BBS9: variants seen among roughly 807,000 people sequenced by gnomAD.
The protein encoded by BBS9 is protein PTHB1.
Under a neutral mutation model 117.7 loss-of-function variants are expected in BBS9, and 89 were observed. That is an observed-to-expected ratio of 0.76 (90% CI 0.64 to 0.90). BBS9 has a LOEUF of 0.90. Ranked by LOEUF, BBS9 falls within the 40% of genes least tolerant of loss-of-function variation. The probability of loss-of-function intolerance (pLI) is 0.00; values close to 1 mark genes in which losing one functional copy is unlikely to be tolerated. For missense variants in BBS9, 982 were observed against 1,042.2 expected, an observed-to-expected ratio of 0.94 and a Z score of 0.80; for synonymous variants, 379 against 370.9, an observed-to-expected ratio of 1.02 and a Z score of -0.25.
At chr7:33,527,672 G>A (rs910028782) in intron 20 of BBS9, among the ~76,000 whole-genome samples, 1 of 152,194 alleles carries the variant, frequency 6.6e-6, no homozygotes, top group African/African-American at 2.4e-5. Context: ...AGATGAACCA[G>A]GTACCTCAGA....
chr7:33,537,773 A>G (rs1362874167), intron 21 of BBS9, among the ~76,000 whole-genome samples: 1 of 152,170 alleles, frequency 6.6e-6, no homozygotes. Flanking sequence ...CTCAGTATCT[A>G]GGGCAATATT....
rs13238390 is a variant in BBS9 at position 33,168,944 on chromosome 7, A to G, written c.329-8534A>G. Among the ~76,000 whole-genome samples, 300 of 151,966 alleles carry G rather than the reference A, an allele frequency of 2.0e-3. 1 individual carries two copies. Among genetic ancestry groups the G allele is most frequent in the African/African-American group, 6.3e-3 (260 of 41,442 alleles). Reference sequence around the variant, plus strand: ...CATCTAGCATTAGGTATATCTCCCAATGCTATCCCTCCCCGCTCCCCCCAC... The same window carrying G: ...CATCTAGCATTAGGTATATCTCCCAGTGCTATCCCTCCCCGCTCCCCCCAC... On this transcript the variant is annotated intron_variant, in intron 4 of 22. Coordinates refer to ENST00000242067, the MANE Select transcript of BBS9 (RefSeq NM_198428.3).
chr7:33,451,983 A>G (rs1837942971), intron 19 of BBS9, among the ~76,000 whole-genome samples: 1 of 152,128 alleles, frequency 6.6e-6, no homozygotes, highest in African/African-American at 2.4e-5. Context: ...ACAGGTGTGC[A>G]GCACCATGCC....
At chr7:33,246,333 C>T (rs1242776385) in intron 5 of BBS9, among the ~76,000 whole-genome samples, 2 of 150,702 alleles carry the variant, frequency 1.3e-5, no homozygotes, top group African/African-American at 4.9e-5. Flanking sequence ...TAATTGGTCA[C>T]AGTGAGTTCA....
intron 12 of BBS9, among the ~76,000 whole-genome samples, chr7:33,348,145 T>A (rs1429578464): frequency 6.6e-6 from 1 of 152,138 alleles, no homozygotes; most frequent in East Asian, 1.9e-4. Flanking sequence ...ACCCATTAGC[T>A]GCCATTCCCC....
intron 19 of BBS9, among the ~76,000 whole-genome samples, chr7:33,496,645 T>C (rs1293056268): frequency 2.0e-5 from 3 of 152,126 alleles, no homozygotes; most frequent in African/African-American, 7.2e-5. Context: ...TAATACAAAA[T>C]AATATAATAG....
At chr7:33,357,156 A>G (rs985170274) in intron 15 of BBS9, among the ~76,000 whole-genome samples, 1 of 151,818 alleles carries the variant, frequency 6.6e-6, no homozygotes, top group Non-Finnish European at 1.5e-5. Flanking sequence ...TCAGCTACCT[A>G]TTTCAGTATG....
At chr7:33,133,383 G>T (rs932700316) in intron 1 of BBS9, among the ~76,000 whole-genome samples, 1 of 151,982 alleles carries the variant, frequency 6.6e-6, no homozygotes, top group Non-Finnish European at 1.5e-5. Context: ...AAGAAACCTC[G>T]CATCCCTTAG....
At position 33,282,507 on chromosome 7, in the gene BBS9, G is replaced by A. The variant is rs554237378; in HGVS notation, c.1016+8551G>A. ...CTGCCTCAGCCTCCTGAGTATGTGG[G>A]ATTACAGGTGCCCGCCACCATGACT... is the stretch of plus-strand genomic sequence containing the variant. On this transcript the variant is annotated intron_variant, in intron 9 of 22. Coordinates refer to ENST00000242067, the MANE Select transcript of BBS9 (RefSeq NM_198428.3). 3.3e-5 allele frequency among the ~76,000 whole-genome samples: 5 copies of A among 152,160 alleles called. No individual in the cohort carries two copies. The South Asian group carries it at 1.0e-3, about 32-fold the overall frequency.
At chr7:33,572,051 A>G (rs1488070597) in intron 21 of BBS9, among the ~76,000 whole-genome samples, 1 of 151,922 alleles carries the variant, frequency 6.6e-6, no homozygotes, top group East Asian at 1.9e-4. Flanking sequence ...ATCTAGTTGT[A>G]TTTTTGTATT....
At chr7:33,158,959 T>C (rs1016121356) in intron 4 of BBS9, among the ~76,000 whole-genome samples, 8 of 121,816 alleles carry the variant, frequency 6.6e-5, no homozygotes, top group African/African-American at 1.9e-4. Context: ...GTACAGAAAA[T>C]AGAATGAGGT....
chr7:33,319,045 C>A (rs1006073502), intron 9 of BBS9, among the ~76,000 whole-genome samples: 25 of 151,992 alleles, frequency 1.6e-4, no homozygotes, highest in African/African-American at 5.8e-4. Flanking sequence ...CACCTGTAAT[C>A]CCAGCTACTT....
chr7:33,549,598 A>C (rs7792439), intron 21 of BBS9, among the ~76,000 whole-genome samples: 90,704 of 146,884 alleles, frequency 0.62, 29,009 homozygotes, highest in African/African-American at 0.77. Context: ...ACAAACAACC[A>C]CATCAAAAAG....
intron 4 of BBS9, among the ~76,000 whole-genome samples, chr7:33,163,717 C>G (rs1795226841): frequency 6.6e-6 from 1 of 152,066 alleles, no homozygotes; most frequent in Non-Finnish European, 1.5e-5. Flanking sequence ...TGATTCTTCT[C>G]TGTTTTCTTC....
At chr7:33,609,969 T>C (rs1402120103), downstream of BBS9, among the ~76,000 whole-genome samples, 1 of 152,008 alleles carries the variant, frequency 6.6e-6, no homozygotes, top group Non-Finnish European at 1.5e-5. Flanking sequence ...CCACCACCCT[T>C]CCAATGCCTG....
At chr7:33,151,333 C>T (rs1793273462) in intron 2 of BBS9, among the ~76,000 whole-genome samples, 1 of 151,836 alleles carries the variant, frequency 6.6e-6, no homozygotes, top group Non-Finnish European at 1.5e-5. Flanking sequence ...GTGCTCATTT[C>T]TATATCAGTT....
At chr7:33,548,331 A>G (rs1015330333) in intron 21 of BBS9, among the ~76,000 whole-genome samples, 8 of 152,138 alleles carry the variant, frequency 5.3e-5, no homozygotes, top group African/African-American at 1.7e-4. Flanking sequence ...ATCTTCACCC[A>G]TCTATAAATG....
chr7:33,332,265 T>C (rs757712601), intron 9 of BBS9, among the ~76,000 whole-genome samples: 28 of 152,182 alleles, frequency 1.8e-4, no homozygotes, highest in Non-Finnish European at 2.6e-4. Flanking sequence ...AGAATAAAAC[T>C]AGATTCTTAT....
chr7:33,216,953 G>A (rs1018960429), intron 5 of BBS9, among the ~76,000 whole-genome samples: 18 of 152,168 alleles, frequency 1.2e-4, no homozygotes, highest in East Asian at 1.9e-4. Context: ...AAAATGAGCC[G>A]GGGTGGTGGC....
Sources: gnomAD v4.1 joint callset for allele counts (sites outside exome capture counted in the v4.1 genomes callset) on GRCh38, gnomAD v4.1.1 for gene constraint, MANE v1.5 for transcripts, NCBI Gene and HGNC (gene_info 2026-07-23, HGNC 2026-07-21) for gene names.